The following SLC16A12 variants were observed in gnomAD, a reference collection of about 807,000 sequenced individuals.
The protein encoded by SLC16A12 is monocarboxylate transporter 12.
SLC16A12 carries 17 observed loss-of-function variants against 42.4 expected under a neutral mutation model. The observed-to-expected ratio is 0.40, with a 90% CI of 0.27 to 0.60. SLC16A12 has a LOEUF of 0.60. Ranked by LOEUF, SLC16A12 falls within the 20% of genes least tolerant of loss-of-function variation. The pLI is 0.42. For synonymous variants in SLC16A12, 224 were observed against 229.4 expected, an observed-to-expected ratio of 0.98 and a Z score of 0.21; for missense variants, 544 against 623.0, an observed-to-expected ratio of 0.87 and a Z score of 1.35.
At chr10:89,474,874 A>G (rs1842552969) in intron 2 of SLC16A12, among the ~76,000 whole-genome samples, 1 of 152,202 alleles carries the variant, frequency 6.6e-6, no homozygotes, top group African/African-American at 2.4e-5. Context: ...GGAATGCTCT[A>G]TCCAAGATTC....
chr10:89,497,956 C>T (rs894111053), intron 2 of SLC16A12, among the ~76,000 whole-genome samples: 9 of 152,118 alleles, frequency 5.9e-5, no homozygotes, highest in South Asian at 2.1e-4. Flanking sequence ...ATTTTATCTA[C>T]GTCTGTACTA....
chr10:89,528,840 G>T (rs1348313338), intron 2 of SLC16A12, among the ~76,000 whole-genome samples: 3 of 152,134 alleles, frequency 2.0e-5, no homozygotes, highest in African/African-American at 7.2e-5. Flanking sequence ...ATTGGTACCA[G>T]TTTTTTTCCT....
chr10:89,453,765 C>T (rs964695637), intron 3 of SLC16A12, among the ~76,000 whole-genome samples: 3 of 152,068 alleles, frequency 2.0e-5, no homozygotes, highest in Admixed American at 6.6e-5. Flanking sequence ...TATCCTTACC[C>T]GAAGGCTTCT....
At position 89,433,016 on chromosome 10, in the gene SLC16A12, G is replaced by A. The variant is rs1433904763; in HGVS notation, c.*48C>T. ...GTTTCAGAAACATGAAGAATCTGGT[G>A]GCCCCACCTCTCTCAAACCTGAAGA... is the stretch of plus-strand genomic sequence containing the variant. On this transcript the variant is annotated 3_prime_UTR_variant, in exon 8 of 8. Transcript: ENST00000371790. 1.2e-6 allele frequency: 2 copies of A among 1,607,478 alleles called. No individual in the cohort carries two copies. The highest frequency in any genetic ancestry group is 1.7e-5 in the Admixed American group (1 of 58,554).
intron 2 of SLC16A12, among the ~76,000 whole-genome samples, chr10:89,504,782 A>C (rs545133635): frequency 2.0e-5 from 3 of 152,184 alleles, no homozygotes; most frequent in Non-Finnish European, 4.4e-5. Flanking sequence ...AAGCAGAAAG[A>C]CATATGCTGG....
intron 4 of SLC16A12, among the ~76,000 whole-genome samples, chr10:89,443,063 C>G (rs1841939384): frequency 2.6e-5 from 4 of 152,142 alleles, no homozygotes; most frequent in Admixed American, 2.6e-4. Context: ...GTTTGTTGTC[C>G]TCTACTACAC....
intron 2 of SLC16A12, among the ~76,000 whole-genome samples, chr10:89,532,639 C>G (rs1015965726): frequency 4.6e-5 from 7 of 152,118 alleles, no homozygotes; most frequent in Non-Finnish European, 1.0e-4. Flanking sequence ...TAAACAACCC[C>G]AAAAGCGGCA....
intron 2 of SLC16A12, among the ~76,000 whole-genome samples, chr10:89,512,685 CTTCATCTGGCTG>C (rs1391696594): frequency 6.6e-6 from 1 of 152,204 alleles, no homozygotes; most frequent in East Asian, 1.9e-4. Context: ...CTACGTACCT[CTTCATCTGGCTG>C]TTCATCTGTA....
rs567241055 is a variant in SLC16A12 at position 89,497,212 on chromosome 10, T to C, written c.-46-34588A>G. 1.6e-4 allele frequency among the ~76,000 whole-genome samples: 24 copies of C among 152,328 alleles called. No individual in the cohort carries two copies. The South Asian group carries it at 4.8e-3, about 30-fold the overall frequency. ...ACGGGAACTCTGTACTTTCTGTTTG[T>C]AAACTTAAAACTGCTCTAAGAAATA... is the stretch of plus-strand genomic sequence containing the variant. On this transcript the variant is annotated intron_variant, in intron 2 of 7. Transcript: ENST00000371790.
chr10:89,517,866 C>G (rs1332031264), intron 2 of SLC16A12, among the ~76,000 whole-genome samples: 1 of 152,028 alleles, frequency 6.6e-6, no homozygotes, highest in Admixed American at 6.5e-5. Flanking sequence ...CCTATTACAA[C>G]TTTTCAAGAA....
intron 2 of SLC16A12, among the ~76,000 whole-genome samples, chr10:89,463,482 T>C (rs1455315644): frequency 6.6e-6 from 1 of 152,088 alleles, no homozygotes; most frequent in Non-Finnish European, 1.5e-5. Context: ...ACCTTCCAGA[T>C]AAATCAATAA....
rs1441837402 is a variant in SLC16A12, at chr10:89,432,168, TCTC to T, written c.*893_*895del. On this transcript the variant is annotated 3_prime_UTR_variant, in exon 8 of 8. Transcript: ENST00000371790. Reference sequence around the variant, plus strand: ...GTCTGCAGTCTAAGTAAGAGCTTCTTCTCTGAAGGTAAAAGACGGGAAGTTTTG... The same window carrying T: ...GTCTGCAGTCTAAGTAAGAGCTTCTTTGAAGGTAAAAGACGGGAAGTTTTG... The T allele has an allele frequency of 8.5e-5, 13 of 152,640 alleles. No homozygotes were observed. The highest frequency in any genetic ancestry group is 1.8e-4 in the Non-Finnish European group (12 of 68,032). 9.5% of individuals were successfully genotyped at this position (152,640 alleles called of 1,614,324 possible).
chr10:89,436,038 G>T, intron 7 of SLC16A12, 22 bp downstream of exon 7: 1 of 1,613,252 alleles, frequency 6.2e-7, no homozygotes, highest in Non-Finnish European at 8.5e-7. Context: ...AAGGTGGTTG[G>T]GGTTTCTCTC....
chr10:89,486,573 C>G (rs1461876948), intron 2 of SLC16A12, among the ~76,000 whole-genome samples: 1 of 106,566 alleles, frequency 9.4e-6, no homozygotes, highest in African/African-American at 3.6e-5. Context: ...GCCTAGGTGA[C>G]AGAGTGAAAC....
At chr10:89,434,428 A>T (rs1471803214) in intron 7 of SLC16A12, among the ~76,000 whole-genome samples, 2 of 152,324 alleles carry the variant, frequency 1.3e-5, no homozygotes, top group East Asian at 3.9e-4. Context: ...GTGAGCACTA[A>T]AATAAGCTAT....
intron 2 of SLC16A12, among the ~76,000 whole-genome samples, chr10:89,488,180 T>C (rs912197207): frequency 3.3e-5 from 5 of 151,914 alleles, no homozygotes; most frequent in Admixed American, 6.6e-5. Context: ...AACCTTACCA[T>C]TACTCAATAT....
At chr10:89,556,024 AAC>A (rs1284205233) in intron 1 of SLC16A12, 3 of 152,126 alleles carry the variant, frequency 2.0e-5, no homozygotes, top group Non-Finnish European at 4.4e-5. Flanking sequence ...TAAATTATCA[AAC>A]ACAGAATTTC....
intron 2 of SLC16A12, among the ~76,000 whole-genome samples, chr10:89,550,393 C>A (rs754296282): frequency 1.3e-5 from 2 of 152,080 alleles, no homozygotes; most frequent in Non-Finnish European, 2.9e-5. Context: ...GTGGCAGGTG[C>A]CTGTAATCCC....
chr10:89,506,529 C>T (rs1449665730), intron 2 of SLC16A12, among the ~76,000 whole-genome samples: 2 of 152,122 alleles, frequency 1.3e-5, no homozygotes, highest in Admixed American at 1.3e-4. Context: ...ATAGCATCAA[C>T]ATCAATAAAA....
Sources: allele counts gnomAD v4.1 joint callset (sites outside exome capture counted in the v4.1 genomes callset), GRCh38; gene constraint gnomAD v4.1.1; transcripts MANE v1.5; gene names NCBI Gene and HGNC (gene_info 2026-07-23, HGNC 2026-07-21).